The following HRH1 variants were observed in gnomAD, a reference collection of about 807,000 sequenced individuals.
The protein encoded by HRH1 is histamine H1 receptor.
In HRH1, 6 loss-of-function variants were observed where a neutral mutation model predicts 10.3. The observed-to-expected ratio is 0.58, with a 90% confidence interval of 0.32 to 1.15. HRH1 has a LOEUF of 1.15. HRH1 is among the 50% of genes most tolerant of loss of function. The pLI, the probability that HRH1 is intolerant of heterozygous loss-of-function variation, is 0.05. For missense variants in HRH1, 514 were observed against 615.3 expected, an observed-to-expected ratio of 0.84 and a Z score of 1.74; for synonymous variants, 242 against 236.7, an observed-to-expected ratio of 1.02 and a Z score of -0.21.
upstream of HRH1, among the ~76,000 whole-genome samples, chr3:11,151,063 C>T (rs962230891): frequency 2.0e-5 from 3 of 152,216 alleles, no homozygotes; most frequent in Admixed American, 1.3e-4. Context: ...CTACAGCGGG[C>T]TGACTCTACT....
intron 1 of HRH1, among the ~76,000 whole-genome samples, chr3:11,173,058 G>T (rs1414575752): frequency 2.0e-5 from 3 of 152,138 alleles, no homozygotes; most frequent in Non-Finnish European, 4.4e-5. Context: ...CCTCTGTGGG[G>T]CCCTGGATGA....
chr3:11,236,979 A>G (rs1405693066), intron 1 of HRH1, among the ~76,000 whole-genome samples: 1 of 151,978 alleles, frequency 6.6e-6, no homozygotes, highest in East Asian at 1.9e-4. Context: ...ATCATCAATC[A>G]CTTTTTTTTT....
At chr3:11,245,452 C>T (rs1939455279) in intron 1 of HRH1, among the ~76,000 whole-genome samples, 1 of 152,212 alleles carries the variant, frequency 6.6e-6, no homozygotes, top group Non-Finnish European at 1.5e-5. Context: ...AGATGCTTCA[C>T]CTCCTGAGCT....
chr3:11,167,888 G>T (rs1431672041), intron 1 of HRH1, among the ~76,000 whole-genome samples: 11 of 152,204 alleles, frequency 7.2e-5, no homozygotes, highest in African/African-American at 2.2e-4. Context: ...TATTTTCTCT[G>T]CCCAATAGGT....
chr3:11,185,839 C>T (rs75349308), intron 1 of HRH1, among the ~76,000 whole-genome samples: 1 of 152,146 alleles, frequency 6.6e-6, no homozygotes, highest in Non-Finnish European at 1.5e-5. Context: ...AATGTTGGCA[C>T]TCAGACGTTG....
chr3:11,203,031 T>C (rs1229349945), intron 1 of HRH1, among the ~76,000 whole-genome samples: 2 of 152,202 alleles, frequency 1.3e-5, no homozygotes, highest in African/African-American at 4.8e-5. Flanking sequence ...ATGGGCTTCT[T>C]TCACTTAATA....
Position 11,234,111 on chromosome 3 carries a change from C to G in HRH1, c.-35-24892C>G, listed in dbSNP as rs1939112176. ...GTGTATGTGTCAAGAGGTCAAGACC[C>G]CTGATCATCAAAATAAGTTATTTTG... On this transcript the variant is annotated intron_variant, in intron 1 of 1. Transcript: ENST00000431010. 1.8e-5 allele frequency: 11 copies of G among 599,748 alleles called. No homozygotes were observed. In the Middle Eastern group the frequency reaches 1.7e-3, roughly 95 times the overall value. The allele number at this position is 599,748 out of a possible 1,614,324, so 37.2% of individuals were successfully genotyped here.
rs1448537244 is a variant in HRH1 at position 11,154,662 on chromosome 3, A to G, written c.-36+108A>G. 6.6e-6 allele frequency: 1 copy of G among 151,820 alleles called. No homozygotes were observed. Among genetic ancestry groups the G allele is most frequent in the Non-Finnish European group, 1.5e-5 (1 of 67,944 alleles). The allele number at this position is 151,820 out of a possible 1,614,324, so 9.4% of individuals were successfully genotyped here. On this transcript the variant is annotated intron_variant, in intron 1 of 1. Coordinates refer to ENST00000431010, the MANE Select transcript of HRH1 (RefSeq NM_001098212.2). The surrounding 1 kb of genome is among the most constrained non-coding windows in gnomAD (Gnocchi z 4.4). ...CGGGCATCCCGGCAGGGCGGCCGGG[A>G]ACCCCGGAGCCGCCCGCTTGAGAAG...
intron 1 of HRH1, among the ~76,000 whole-genome samples, chr3:11,206,485 C>G (rs1204112562): frequency 6.6e-6 from 1 of 152,268 alleles, no homozygotes; most frequent in Non-Finnish European, 1.5e-5. Flanking sequence ...CTTGACTCCA[C>G]TTCACTGGCC....
intron 1 of HRH1, among the ~76,000 whole-genome samples, chr3:11,231,047 T>A (rs983486255): frequency 1.3e-5 from 2 of 152,208 alleles, no homozygotes; most frequent in Non-Finnish European, 2.9e-5. Flanking sequence ...TAATCTGTTC[T>A]CCATTTCTGT....
chr3:11,248,599 C>T (rs1003274280), intron 1 of HRH1, among the ~76,000 whole-genome samples: 7 of 152,148 alleles, frequency 4.6e-5, no homozygotes, highest in Admixed American at 3.3e-4. Flanking sequence ...ACATCTGCTC[C>T]GGAATGAACA....
intron 1 of HRH1, among the ~76,000 whole-genome samples, chr3:11,138,516 G>A (rs1003915666): frequency 6.6e-6 from 1 of 152,122 alleles, no homozygotes; most frequent in Non-Finnish European, 1.5e-5. Context: ...GAAGACATTG[G>A]AGCCCTCAAA....
In HRH1 at chr3:11,260,334, A is replaced by G. The variant is rs200892765; in HGVS notation, c.1297A>G (p.Ile433Val). ...AFILCWIPYF[I>V]FFMVIAFCKN... ...CATCCTCTGCTGGATCCCTTATTTC[A>G]TCTTCTTCATGGTCATTGCCTTCTG... The change falls in exon 2 of 2, where the codon ATC (isoleucine) becomes GTC (valine). Residue 433 changes from isoleucine (I) to valine (V), a missense_variant. Transcript: ENST00000431010. 4 of 1,613,998 alleles carry G rather than the reference A, an allele frequency of 2.5e-6. No individual in the cohort carries two copies. In the African/African-American group the frequency reaches 5.3e-5, roughly 22 times the overall value.
At chr3:11,241,100 G>C (rs928407058) in intron 1 of HRH1, among the ~76,000 whole-genome samples, 1 of 151,980 alleles carries the variant, frequency 6.6e-6, no homozygotes, top group Non-Finnish European at 1.5e-5. Flanking sequence ...AATGCAGTTA[G>C]CTCTTATTTT....
At chr3:11,210,397 A>T (rs890737740) in intron 1 of HRH1, among the ~76,000 whole-genome samples, 7 of 152,264 alleles carry the variant, frequency 4.6e-5, no homozygotes, top group African/African-American at 1.7e-4. Flanking sequence ...CTGTCTCAAA[A>T]AAATAAATAA....
chr3:11,213,193 G>A (rs938829992), intron 1 of HRH1, among the ~76,000 whole-genome samples: 2 of 152,154 alleles, frequency 1.3e-5, no homozygotes, highest in African/African-American at 4.8e-5. Flanking sequence ...CCTTGTGGAC[G>A]AGCACTTTGA....
intron 1 of HRH1, among the ~76,000 whole-genome samples, chr3:11,258,130 T>C (rs574436262): frequency 2.6e-5 from 4 of 151,870 alleles, no homozygotes; most frequent in Admixed American, 6.6e-5. Flanking sequence ...AAAGATATGC[T>C]AGATTTATTT....
At position 11,251,642 on chromosome 3, in the gene HRH1, G is replaced by GT. The variant is rs201257164; in HGVS notation, c.-35-7354dup. On this transcript the variant is annotated intron_variant, in intron 1 of 1. Coordinates refer to ENST00000431010, the MANE Select transcript of HRH1 (RefSeq NM_001098212.2). ...CAAGTTCTTCTGGTCTGGGGCATGG[G>GT]TTTTTTTCTGCGTTTGAATTTCCTG... Among the ~76,000 whole-genome samples, 1,432 of 152,258 alleles carry GT rather than the reference G, an allele frequency of 9.4e-3. 29 individuals are homozygous for GT. Among genetic ancestry groups the GT allele is most frequent in the African/African-American group, 0.033 (1,357 of 41,532 alleles).
At chr3:11,251,071 A>G (rs1164472048) in intron 1 of HRH1, among the ~76,000 whole-genome samples, 1 of 151,908 alleles carries the variant, frequency 6.6e-6, no homozygotes, top group South Asian at 2.1e-4. Flanking sequence ...TTTGGCTCCT[A>G]TTTCTTTTAA....
Sources: allele counts gnomAD v4.1 joint callset (sites outside exome capture counted in the v4.1 genomes callset), GRCh38; gene constraint gnomAD v4.1.1; non-coding constraint Gnocchi (gnomAD v3.1); transcripts MANE v1.5; gene names NCBI Gene and HGNC (gene_info 2026-07-23, HGNC 2026-07-21).